MPRIP: variants seen among roughly 807,000 people sequenced by gnomAD.
The protein encoded by MPRIP is myosin phosphatase Rho interacting protein.
MPRIP carries 59 observed loss-of-function variants against 234.9 expected under a neutral mutation model. That is an observed-to-expected ratio of 0.25 (90% CI 0.20 to 0.31). The LOEUF is 0.31. Among genes scored for constraint, MPRIP ranks in the 10% least tolerant of loss-of-function variants. MPRIP has a pLI of 1.00. For synonymous variants in MPRIP, 1,144 were observed against 1,263.9 expected, an observed-to-expected ratio of 0.91 and a Z score of 2.01; for missense variants, 2,436 against 3,071.0, an observed-to-expected ratio of 0.79 and a Z score of 4.89.
At chr17:17,056,976 A>G (rs11654360) in intron 1 of MPRIP, among the ~76,000 whole-genome samples, 14,566 of 152,274 alleles carry the variant, frequency 0.096, 1,021 homozygotes, top group African/African-American at 0.17. Context: ...TATGGATGGT[A>G]GACAGTGGGA....
At chr17:17,089,857 G>A (rs185224550) in intron 3 of MPRIP, among the ~76,000 whole-genome samples, 12 of 152,330 alleles carry the variant, frequency 7.9e-5, no homozygotes, top group Middle Eastern at 3.4e-3. Context: ...AGCCAGCCCC[G>A]TCCTCAGTTG....
At chr17:17,129,875 A>G (rs2090562937) in intron 4 of MPRIP, among the ~76,000 whole-genome samples, 1 of 152,246 alleles carries the variant, frequency 6.6e-6, no homozygotes, top group Non-Finnish European at 1.5e-5. Context: ...GGCAGCTGCC[A>G]TGGCAGACTG....
In MPRIP at chr17:17,078,690, A is replaced by G. The variant is rs1443199331; in HGVS notation, c.267+614A>G. ...TGAGTGTTTGCTGCTGTTGCCCCAG[A>G]GGCCAAACCTGAAAATCAACTAGGT... On this transcript the variant is annotated intron_variant, in intron 3 of 23. Transcript: ENST00000651222. The surrounding 1 kb of genome is among the most constrained non-coding windows in gnomAD (Gnocchi z 4.3). Among the ~76,000 whole-genome samples the G allele has an allele frequency of 1.3e-5, 2 of 152,208 alleles. No individual in the cohort carries two copies. The highest frequency in any genetic ancestry group is 4.8e-5 in the African/African-American group (2 of 41,460).
At chr17:17,092,921 C>G (rs1457181247) in intron 3 of MPRIP, among the ~76,000 whole-genome samples, 2 of 152,158 alleles carry the variant, frequency 1.3e-5, no homozygotes, top group African/African-American at 4.8e-5. Flanking sequence ...AATAGACGTG[C>G]AAGTGTGCAT....
In MPRIP at chr17:17,158,691, G is replaced by T; in HGVS notation, c.2089G>T (p.Gly697Trp). 1 of 1,608,968 alleles carries T rather than the reference G, an allele frequency of 6.2e-7. No individual in the cohort carries two copies. Among genetic ancestry groups the T allele is most frequent in the Non-Finnish European group, 8.5e-7 (1 of 1,179,062 alleles). The change falls in exon 14 of 24, where the codon GGG (glycine) becomes TGG (tryptophan). Residue 697 changes from glycine to tryptophan, a missense_variant. Gly to Trp is a radical substitution (Grantham distance 184, BLOSUM62 -2). Transcript: ENST00000651222. The part of the protein sequence containing the change: ...HEPLRPEAEP[G>W]ELERERARRR... ...GCCCCTGCGCCCTGAGGCGGAGCCTGGGGAGCTGGAGCGGGAGCGTGCACG... is the reference window on the plus strand; with the variant it reads ...GCCCCTGCGCCCTGAGGCGGAGCCTTGGGAGCTGGAGCGGGAGCGTGCACG...
At chr17:17,093,245 G>T (rs2089761280) in intron 3 of MPRIP, among the ~76,000 whole-genome samples, 1 of 152,210 alleles carries the variant, frequency 6.6e-6, no homozygotes, top group Admixed American at 6.5e-5. Flanking sequence ...GCTTGGAAAG[G>T]ATCTTCGCAT....
chr17:17,051,843 T>G (rs929111519), intron 1 of MPRIP, among the ~76,000 whole-genome samples: 2 of 152,222 alleles, frequency 1.3e-5, no homozygotes, highest in African/African-American at 4.8e-5. Context: ...CACAGCCTGG[T>G]TTTTGCCTGG....
At chr17:17,162,953 T>C (rs2045905019) in intron 15 of MPRIP, among the ~76,000 whole-genome samples, 1 of 152,220 alleles carries the variant, frequency 6.6e-6, no homozygotes, top group Non-Finnish European at 1.5e-5. Context: ...CCTACCTCTG[T>C]CTAACTTGCA....
At chr17:17,062,561 G>A (rs990141693) in intron 1 of MPRIP, among the ~76,000 whole-genome samples, 2 of 152,202 alleles carry the variant, frequency 1.3e-5, no homozygotes, top group African/African-American at 4.8e-5. Context: ...GCAGCTGCTG[G>A]AGAAATTCTG....
intron 1 of MPRIP, among the ~76,000 whole-genome samples, chr17:17,056,587 CTG>C (rs1205965191): frequency 3.3e-5 from 5 of 150,798 alleles, no homozygotes; most frequent in Admixed American, 2.0e-4. Flanking sequence ...ATGGGGTGAA[CTG>C]TGTGTGTGGT....
intron 1 of MPRIP, among the ~76,000 whole-genome samples, chr17:17,050,189 C>T (rs1178483301): frequency 6.6e-6 from 1 of 151,912 alleles, no homozygotes; most frequent in Admixed American, 6.6e-5. Context: ...GTGGTGGGCG[C>T]CTGTAGTCCC....
chr17:17,150,370 C>T (rs867361449), intron 12 of MPRIP, 137 bp downstream of exon 12: 5 of 633,804 alleles, frequency 7.9e-6, no homozygotes, highest in South Asian at 3.8e-5. Flanking sequence ...TTTCCCACTA[C>T]CCTTGACACC....
At position 17,062,847 on chromosome 17, in the gene MPRIP, G is replaced by A. The variant is rs573025955; in HGVS notation, c.124-12863G>A. Among the ~76,000 whole-genome samples, 3 of 152,378 alleles carry A rather than the reference G, an allele frequency of 2.0e-5. No homozygotes were observed. The East Asian group carries it at 5.8e-4, about 29-fold the overall frequency. ...TGTGAGTTCTTCAGGCCCAGGCTCTGGACATGGGCTCACTGTATCAGGAGT... is the reference window on the plus strand; with the variant it reads ...TGTGAGTTCTTCAGGCCCAGGCTCTAGACATGGGCTCACTGTATCAGGAGT... On this transcript the variant is annotated intron_variant, in intron 1 of 23. Coordinates refer to ENST00000651222, the MANE Select transcript of MPRIP (RefSeq NM_001364716.4).
intron 1 of MPRIP, among the ~76,000 whole-genome samples, chr17:17,072,130 C>T (rs578167603): frequency 9.8e-5 from 15 of 152,298 alleles, no homozygotes; most frequent in South Asian, 8.3e-4. Context: ...AGCCTCTGCC[C>T]GTGGGCATTG....
chr17:17,176,838 C>T (rs2046265297), intron 21 of MPRIP, among the ~76,000 whole-genome samples: 1 of 152,194 alleles, frequency 6.6e-6, no homozygotes, highest in East Asian at 1.9e-4. Flanking sequence ...TGGCTTCCAC[C>T]AGCCTCCTCC....
chr17:17,074,367 C>A (rs538639681), intron 1 of MPRIP, among the ~76,000 whole-genome samples: 2 of 152,210 alleles, frequency 1.3e-5, no homozygotes, highest in Non-Finnish European at 2.9e-5. Context: ...GAGCTCCTCC[C>A]GTGGTCTGGG....
chr17:17,129,398 T>C (rs2090554504), intron 4 of MPRIP, among the ~76,000 whole-genome samples: 1 of 152,184 alleles, frequency 6.6e-6, no homozygotes, highest in Admixed American at 6.5e-5. Flanking sequence ...GTTTGTTTTG[T>C]TAACATTTAT....
chr17:17,171,988 G>A, intron 17 of MPRIP, 123 bp downstream of exon 17: 2 of 1,185,682 alleles, frequency 1.7e-6, no homozygotes, highest in Non-Finnish European at 2.3e-6. Context: ...CTTCATTGTT[G>A]AAGGGTTCTT....
intron 3 of MPRIP, among the ~76,000 whole-genome samples, chr17:17,124,085 C>A (rs1167176598): frequency 1.3e-5 from 2 of 152,228 alleles, no homozygotes; most frequent in African/African-American, 4.8e-5. Context: ...AGAACCCTCA[C>A]TTTGCACATG....
Sources: allele counts gnomAD v4.1 joint callset (sites outside exome capture counted in the v4.1 genomes callset), GRCh38; gene constraint gnomAD v4.1.1; non-coding constraint Gnocchi (gnomAD v3.1); transcripts MANE v1.5; gene names NCBI Gene and HGNC (gene_info 2026-07-23, HGNC 2026-07-21).